Variants in PATJ observed in about 807,000 individuals in gnomAD.
PATJ encodes inaD-like protein.
In PATJ, 190 loss-of-function variants were observed where a neutral mutation model predicts 224.9. That is an observed-to-expected ratio of 0.84 (90% CI 0.75 to 0.95). The LOEUF (loss-of-function observed/expected upper bound fraction) is 0.95. PATJ is among the 40% of genes least tolerant of loss of function. PATJ has a pLI of 0.00. For missense variants in PATJ, 2,121 were observed against 2,270.3 expected, an observed-to-expected ratio of 0.93 and a Z score of 1.34; for synonymous variants, 769 against 820.3, an observed-to-expected ratio of 0.94 and a Z score of 1.07.
intron 17 of PATJ, among the ~76,000 whole-genome samples, chr1:61,838,521 A>ATTTTTTTTTTTTTTTTTTTT (rs34877280): frequency 8.7e-6 from 1 of 115,574 alleles, no homozygotes. Flanking sequence ...CGCCTGGCTA[A>ATTTTTTTTTTTTTTTTTTTT]TTTTTTTTTT....
chr1:62,022,835 T>C (rs1285961863), intron 29 of PATJ, among the ~76,000 whole-genome samples: 1 of 152,228 alleles, frequency 6.6e-6, no homozygotes, highest in Admixed American at 6.5e-5. Flanking sequence ...CACCTTCCTG[T>C]ATCGATTGAA....
chr1:61,784,795 A>G (rs1648150021), intron 7 of PATJ, among the ~76,000 whole-genome samples: 2 of 152,252 alleles, frequency 1.3e-5, no homozygotes, highest in South Asian at 2.1e-4. Flanking sequence ...AGTCTGTTGC[A>G]TGCATGAAAA....
intron 14 of PATJ, among the ~76,000 whole-genome samples, chr1:61,817,539 C>T (rs554030324): frequency 6.6e-6 from 1 of 152,206 alleles, no homozygotes; most frequent in Admixed American, 6.5e-5. Flanking sequence ...TGGTGTGCAC[C>T]TGTAATCCCA....
At chr1:62,118,921 C>T (rs528996399) in intron 37 of PATJ, among the ~76,000 whole-genome samples, 7 of 151,954 alleles carry the variant, frequency 4.6e-5, no homozygotes, top group East Asian at 3.9e-4. Context: ...TGTGAGCCCC[C>T]GCGCCCAGCC....
chr1:61,873,437 G>A (rs1052662553), intron 20 of PATJ, among the ~76,000 whole-genome samples: 1 of 152,106 alleles, frequency 6.6e-6, no homozygotes, highest in African/African-American at 2.4e-5. Context: ...CCAAAGTGCT[G>A]GGATTATAGG....
At chr1:61,813,360 TATATATATATATATATATACACACAC>T (rs1356916687) in intron 14 of PATJ, among the ~76,000 whole-genome samples, 1,473 of 54,026 alleles carry the variant, frequency 0.027, 59 homozygotes, top group African/African-American at 0.091. Flanking sequence ...TATATATATA[TATATATATATATATATATACACACAC>T]ACACACACAC....
chr1:61,935,235 T>G (rs1345364677), intron 27 of PATJ, among the ~76,000 whole-genome samples: 1 of 152,168 alleles, frequency 6.6e-6, no homozygotes, highest in African/African-American at 2.4e-5. Flanking sequence ...TCCTAGAAAC[T>G]CAGTATAATT....
intron 6 of PATJ, 97 bp downstream of exon 6, chr1:61,771,723 C>A: frequency 1.1e-6 from 1 of 951,362 alleles, no homozygotes; most frequent in Non-Finnish European, 1.5e-6. Flanking sequence ...ACCTTTCTTT[C>A]CTTTTTTTTT....
chr1:62,007,749 C>G (rs1223230379), intron 28 of PATJ, among the ~76,000 whole-genome samples: 2 of 152,166 alleles, frequency 1.3e-5, no homozygotes, highest in Non-Finnish European at 2.9e-5. Flanking sequence ...GGTTTGCAGA[C>G]AATGTTCCTG....
chr1:62,120,062 TTTAC>T (rs1309533396), intron 37 of PATJ, among the ~76,000 whole-genome samples: 3 of 152,206 alleles, frequency 2.0e-5, no homozygotes, highest in Non-Finnish European at 4.4e-5. Flanking sequence ...TATAGTACCA[TTTAC>T]TTAAATCATA....
intron 17 of PATJ, 67 bp downstream of exon 17, chr1:61,833,852 G>A: frequency 6.8e-7 from 1 of 1,462,800 alleles, no homozygotes; most frequent in Non-Finnish European, 9.2e-7. Flanking sequence ...ATGGGAAGTA[G>A]CAATTGTTTA....
intron 26 of PATJ, among the ~76,000 whole-genome samples, chr1:61,918,980 A>T (rs1257094802): frequency 6.6e-6 from 1 of 152,164 alleles, no homozygotes; most frequent in African/African-American, 2.4e-5. Context: ...AAAAAGTAAA[A>T]AATAAAATAA....
intron 30 of PATJ, among the ~76,000 whole-genome samples, chr1:62,043,549 G>C (rs1651921998): frequency 6.6e-6 from 1 of 152,066 alleles, no homozygotes; most frequent in South Asian, 2.1e-4. Context: ...CCTCATTTTT[G>C]TTGTGATTGT....
intron 31 of PATJ, among the ~76,000 whole-genome samples, chr1:62,059,235 C>T (rs1238611409): frequency 6.6e-6 from 1 of 152,128 alleles, no homozygotes; most frequent in African/African-American, 2.4e-5. Flanking sequence ...GAAAAAAGGA[C>T]TTTATACCAA....
At chr1:62,158,927 C>T (rs1433098929) in intron 43 of PATJ, among the ~76,000 whole-genome samples, 1 of 151,724 alleles carries the variant, frequency 6.6e-6, no homozygotes. Flanking sequence ...CCAGCCTGGG[C>T]GACAAGAGTG....
intron 1 of PATJ, among the ~76,000 whole-genome samples, chr1:61,746,094 A>AACATAT (rs1645010754): frequency 6.7e-6 from 1 of 148,246 alleles, no homozygotes; most frequent in South Asian, 2.1e-4. Context: ...ACCACTGGGT[A>AACATAT]ATATATATAT....
chr1:61,846,261 T>C (rs1661935213), intron 17 of PATJ: 1 of 152,198 alleles, frequency 6.6e-6, no homozygotes, highest in African/African-American at 2.4e-5. Context: ...CATTTACAAA[T>C]GAGAAACTCA....
rs2498956 is a variant in PATJ at position 61,944,875 on chromosome 1, C to G, written c.3670+17046C>G. Among the ~76,000 whole-genome samples, 694 of 152,332 alleles carry G rather than the reference C, an allele frequency of 4.6e-3. 6 individuals carry two copies. The highest frequency in any genetic ancestry group is 0.016 in the African/African-American group (663 of 41,570). On this transcript the variant is annotated intron_variant, in intron 27 of 43. Transcript: ENST00000642238. ...GAAGCCCATCAGACTAACAGCGGAT[C>G]TCTCAGCAGAGACTCTACAAGCCAG...
intron 3 of PATJ, 24 bp downstream of exon 3, chr1:61,763,203 C>A: frequency 2.2e-6 from 3 of 1,354,840 alleles, no homozygotes; most frequent in Non-Finnish European, 3.0e-6. Context: ...CAGAGTTTTA[C>A]ATTAATATAT....
Sources: gnomAD v4.1 joint callset for allele counts (sites outside exome capture counted in the v4.1 genomes callset) on GRCh38, gnomAD v4.1.1 for gene constraint, MANE v1.5 for transcripts, NCBI Gene and HGNC (gene_info 2026-07-23, HGNC 2026-07-21) for gene names.